Variants in GSE1 observed in about 807,000 individuals in gnomAD.
GSE1 encodes the protein Gse1 coiled-coil protein.
Under a neutral mutation model 112.6 loss-of-function variants are expected in GSE1, and 32 were observed. The ratio of observed to expected loss-of-function variants is 0.28; its 90% CI spans 0.21 to 0.38. The LOEUF (loss-of-function observed/expected upper bound fraction) is 0.38. GSE1 is among the 10% of genes least tolerant of loss of function. The probability of loss-of-function intolerance (pLI) is 1.00; values close to 1 mark genes in which losing one functional copy is unlikely to be tolerated. For missense variants in GSE1, 2,348 were observed against 1,699.2 expected (o/e 1.38, Z -6.71); for synonymous variants, 1,115 against 735.6 (o/e 1.52, Z -8.35).
At chr16:85,172,302 C>T (rs1287759528) in intron 1 of GSE1, among the ~76,000 whole-genome samples, 1 of 152,204 alleles carries the variant, frequency 6.6e-6, no homozygotes, top group Non-Finnish European at 1.5e-5. Context: ...CCTAAGTTCA[C>T]ACTGTTCTTT....
intron 1 of GSE1, among the ~76,000 whole-genome samples, chr16:85,614,736 G>C (rs1018528178): frequency 6.6e-6 from 1 of 152,224 alleles, no homozygotes; most frequent in Non-Finnish European, 1.5e-5. Context: ...TACAAAGTGC[G>C]TTTAAAACAC....
Position 85,656,326 on chromosome 16 carries a change from CT to C in GSE1, c.990-14del, listed in dbSNP as rs2051928457. The C allele has an allele frequency of 3.7e-6, 6 of 1,610,186 alleles. No individual in the cohort carries two copies. The East Asian group carries it at 1.3e-4, about 36-fold the overall frequency. On this transcript the variant is annotated splice_polypyrimidine_tract_variant and intron_variant, in intron 6 of 15. Transcript: ENST00000253458. ...TCCTGGTGCAGCAGAGCCCCCAACT[CT>C]TTCCATGTGCTGCAGGCTGCAGATG... is the stretch of plus-strand genomic sequence containing the variant.
In GSE1 at chr16:85,671,107, G is replaced by C; in HGVS notation, c.3519+9G>C. The stretch of plus-strand genomic sequence containing the variant: ...TCTCCCACAGCGTGGCGGTGAGTTG[G>C]GAAGGGATGGAAACCTTCAAACACG... On this transcript the variant is annotated intron_variant, in intron 15 of 15. Transcript: ENST00000253458. The C allele has an allele frequency of 6.6e-7, 1 of 1,508,666 alleles. No homozygotes were observed. Among genetic ancestry groups the C allele is most frequent in the Non-Finnish European group, 9.2e-7 (1 of 1,084,850 alleles). The allele number at this position is 1,508,666 out of a possible 1,614,324, so 93.5% of individuals were successfully genotyped here.
intron 9 of GSE1, chr16:85,662,622 G>T: frequency 4.5e-6 from 1 of 220,152 alleles, no homozygotes; most frequent in Non-Finnish European, 8.9e-6. Flanking sequence ...GACTCAGATG[G>T]CCACAGCATG....
intron 1 of GSE1, among the ~76,000 whole-genome samples, chr16:85,614,874 C>T (rs766851216): frequency 6.6e-6 from 1 of 152,174 alleles, no homozygotes; most frequent in Non-Finnish European, 1.5e-5. Flanking sequence ...TAAAAGGCGC[C>T]TGAACAAAAG....
intron 2 of GSE1, among the ~76,000 whole-genome samples, chr16:85,395,025 G>T (rs2047934759): frequency 6.6e-6 from 1 of 152,128 alleles, no homozygotes; most frequent in Admixed American, 6.5e-5. Flanking sequence ...GGCCTGTAGA[G>T]GGAAGCACCT....
chr16:85,179,073 G>A (rs1198792059), intron 1 of GSE1, among the ~76,000 whole-genome samples: 3 of 152,168 alleles, frequency 2.0e-5, no homozygotes, highest in Admixed American at 6.5e-5. Flanking sequence ...GTGCAGTCAC[G>A]AAGTTGTGCA....
At chr16:85,233,648 G>A (rs1219259673) in intron 1 of GSE1, among the ~76,000 whole-genome samples, 1 of 148,806 alleles carries the variant, frequency 6.7e-6, no homozygotes. Flanking sequence ...TGTGTGGATG[G>A]GGGGTGTGCG....
At chr16:85,171,926 G>T in intron 1 of GSE1, 1 of 488,336 alleles carries the variant, frequency 2.0e-6, no homozygotes, top group Non-Finnish European at 2.7e-6. Flanking sequence ...GGTTCTGTGC[G>T]GGGTGTTCCG....
intron 2 of GSE1, among the ~76,000 whole-genome samples, chr16:85,533,239 GTC>G (rs1250163719): frequency 7.0e-6 from 1 of 143,844 alleles, no homozygotes; most frequent in African/African-American, 2.6e-5. Flanking sequence ...GCGAAAACCT[GTC>G]TCTACTAAAA....
At chr16:85,559,616 T>G (rs909301404) in intron 1 of GSE1, among the ~76,000 whole-genome samples, 6 of 151,124 alleles carry the variant, frequency 4.0e-5, no homozygotes, top group Non-Finnish European at 8.8e-5. Flanking sequence ...GTTTGACAGG[T>G]GAGAGGACTG....
chr16:85,592,232 G>C (rs367888230), intron 1 of GSE1: 1 of 150,434 alleles, frequency 6.6e-6, no homozygotes, highest in Admixed American at 6.6e-5. Flanking sequence ...GCATGATCTT[G>C]GCTCACCGCA....
chr16:85,567,053 CCCCCA>C (rs2045784666), intron 1 of GSE1, among the ~76,000 whole-genome samples: 1 of 150,080 alleles, frequency 6.7e-6, no homozygotes. Flanking sequence ...CCCACCCCCA[CCCCCA>C]CCCCCACCCC....
intron 2 of GSE1, among the ~76,000 whole-genome samples, chr16:85,499,925 C>T (rs2151910533): frequency 6.6e-6 from 1 of 152,294 alleles, no homozygotes; most frequent in African/African-American, 2.4e-5. Flanking sequence ...GGAAGCAAGA[C>T]CCATGGAGAC....
intron 1 of GSE1, among the ~76,000 whole-genome samples, chr16:85,219,251 T>C (rs1444023583): frequency 6.6e-6 from 1 of 152,206 alleles, no homozygotes; most frequent in African/African-American, 2.4e-5. Context: ...TGACCTCAGG[T>C]GATCTGCCTG....
chr16:85,548,859 G>A (rs557989674), intron 2 of GSE1, among the ~76,000 whole-genome samples: 3 of 152,090 alleles, frequency 2.0e-5, no homozygotes, highest in Non-Finnish European at 2.9e-5. Flanking sequence ...GCTCGATCTC[G>A]GCTCACTGCA....
At chr16:85,205,072 G>A (rs554010328) in intron 1 of GSE1, among the ~76,000 whole-genome samples, 223 of 148,406 alleles carry the variant, frequency 1.5e-3, no homozygotes, top group African/African-American at 5.3e-3. Flanking sequence ...GGATCTCCCC[G>A]CAGCCCCTGA....
chr16:85,179,041 G>A (rs1036241546), intron 1 of GSE1, among the ~76,000 whole-genome samples: 6 of 152,096 alleles, frequency 3.9e-5, no homozygotes, highest in Admixed American at 1.3e-4. Flanking sequence ...CCCTTTGAAA[G>A]TGTACAGTTC....
At chr16:85,246,256 TACACAC>T (rs560365750) in intron 1 of GSE1, among the ~76,000 whole-genome samples, 35 of 87,048 alleles carry the variant, frequency 4.0e-4, no homozygotes, top group Admixed American at 5.9e-4. Flanking sequence ...ACACGCTGTC[TACACAC>T]ACACACACAC....
Sources: allele counts gnomAD v4.1 joint callset (sites outside exome capture counted in the v4.1 genomes callset), GRCh38; gene constraint gnomAD v4.1.1; transcripts MANE v1.5; gene names NCBI Gene and HGNC (gene_info 2026-07-23, HGNC 2026-07-21).